The following EIF2B5 variants were observed in gnomAD, a reference collection of about 807,000 sequenced individuals.
EIF2B5 encodes eukaryotic translation initiation factor 2B subunit epsilon.
Under a neutral mutation model 87.3 loss-of-function variants are expected in EIF2B5, and 38 were observed. That is an observed-to-expected ratio of 0.44 (90% CI 0.34 to 0.57). The LOEUF (loss-of-function observed/expected upper bound fraction) is 0.57, where lower values mean the gene tolerates loss of function less well. EIF2B5 is among the 20% of genes least tolerant of loss of function. EIF2B5 has a pLI of 0.02. For missense variants in EIF2B5, 784 were observed against 909.5 expected (o/e 0.86, Z 1.78); for synonymous variants, 313 against 339.6 (o/e 0.92, Z 0.86).
intron 1 of EIF2B5, among the ~76,000 whole-genome samples, chr3:184,136,409 T>TA (rs1197408827): frequency 6.6e-6 from 1 of 152,222 alleles, no homozygotes; most frequent in African/African-American, 2.4e-5. Context: ...ATTCTGTACT[T>TA]ACCATCCCCA....
In EIF2B5 at chr3:184,137,682, A is replaced by G. The variant is rs865774540; in HGVS notation, c.383A>G (p.Tyr128Cys). 9 of 1,614,072 alleles carry G rather than the reference A, an allele frequency of 5.6e-6. No individual in the cohort carries two copies. In the African/African-American group the frequency reaches 8.0e-5, roughly 14 times the overall value. The change falls in exon 3 of 16, where the codon TAT becomes TGT. Residue 128 changes from tyrosine to cysteine, a missense_variant. Tyr to Cys is a radical substitution (Grantham distance 194). Around this residue, in one of 3 missense-constraint regions of EIF2B5, gnomAD observed 660 missense variants for 789.5 expected, o/e 0.84. Coordinates refer to ENST00000648915, the MANE Select transcript of EIF2B5 (RefSeq NM_003907.3). ...NVVRIITSEL[Y>C]RSLGDVLRDV... ...GTTCGAATAATTACATCAGAGCTCT[A>G]TCGATCACTGGGAGATGTCCTCCGT...
intron 2 of EIF2B5, 36 bp from the exon 3 acceptor site, chr3:184,137,584 T>A: frequency 6.2e-7 from 1 of 1,600,808 alleles, no homozygotes; most frequent in African/African-American, 1.3e-5. Flanking sequence ...TCTTTATGCT[T>A]GATACACTCA....
Position 184,143,504 on chromosome 3 carries a change from TC to T in EIF2B5, c.1813del (p.Leu605CysfsTer21), listed in dbSNP as rs113994083. 3.1e-6 allele frequency: 5 copies of T among 1,614,058 alleles called. No homozygotes were observed. Among genetic ancestry groups the T allele is most frequent in the Non-Finnish European group, 4.2e-6 (5 of 1,180,008 alleles). ...GTACTGAGCCACGTGGTCCTGGAGT[TC>T]CCCCTGCAACAGATGGATTCCCCGC... The part of the protein sequence containing the change: ...MQVLSHVVLE[F>X]PLQQMDSPLD... On this transcript the variant is annotated frameshift_variant, in exon 13 of 16. Transcript: ENST00000648915. LOFTEE classifies it high-confidence loss of function.
intron 14 of EIF2B5, 121 bp downstream of exon 14, chr3:184,144,345 T>C: frequency 6.0e-6 from 9 of 1,487,770 alleles, no homozygotes; most frequent in Middle Eastern, 2.4e-4. Flanking sequence ...ACTCCCAATA[T>C]GCTTATTGCT....
Position 184,136,632 on chromosome 3 carries a change from T to C in EIF2B5, c.216T>C (p.Asn72=), listed in dbSNP as rs886058214. ...TTCAGGTCCTCTTGCCCCTGGCCAA[T>C]GTGGCATTAATTGACTACACTCTGG... is the stretch of plus-strand genomic sequence containing the variant. The part of the protein sequence containing the change: ...DQPRVLLPLA[N]VALIDYTLEF... Residue 72 remains asparagine (N), a synonymous_variant, in exon 2 of 16, where the codon AAT becomes AAC. Coordinates refer to ENST00000648915, the MANE Select transcript of EIF2B5 (RefSeq NM_003907.3). 1.2e-6 allele frequency: 2 copies of C among 1,614,100 alleles called. No individual in the cohort carries two copies. The highest frequency in any genetic ancestry group is 1.7e-6 in the Non-Finnish European group (2 of 1,180,050).
chr3:184,143,200 T>C, intron 12 of EIF2B5, 58 bp downstream of exon 12: 4 of 1,578,424 alleles, frequency 2.5e-6, no homozygotes, highest in Non-Finnish European at 3.5e-6. Flanking sequence ...AGAGGCTTTC[T>C]CGTAAGTGTT....
chr3:184,144,660 CAA>C lies in EIF2B5; in HGVS notation c.2061_2062del (p.Asp689TyrfsTer3). The C allele has an allele frequency of 2.5e-6, 4 of 1,614,068 alleles. No homozygotes were observed. Among genetic ancestry groups the C allele is most frequent in the Non-Finnish European group, 3.4e-6 (4 of 1,180,006 alleles). On this transcript the variant is annotated frameshift_variant, in exon 15 of 16. Coordinates refer to ENST00000648915, the MANE Select transcript of EIF2B5 (RefSeq NM_003907.3). LOFTEE classifies it high-confidence loss of function. ...GGAAACAATTCTGAGCTGGTTCAGC[CAA>C]AGAGATACAACTGACAAGGGCCAGC... The part of the protein sequence containing the change: ...AEETILSWFS[Q>X]RDTTDKGQQL...
At chr3:184,137,045 C>A in intron 2 of EIF2B5, 1 of 392,854 alleles carries the variant, frequency 2.5e-6, no homozygotes, top group Non-Finnish European at 4.7e-6. Flanking sequence ...ATGATAACAT[C>A]TTTGTTTTCC....
rs1713819920 is a variant in EIF2B5 at position 184,145,291 on chromosome 3, A to C, written c.*348A>C. On this transcript the variant is annotated 3_prime_UTR_variant, in exon 16 of 16. Coordinates refer to ENST00000648915, the MANE Select transcript of EIF2B5 (RefSeq NM_003907.3). This position sits in a 1 kb window ranked among gnomAD's most constrained non-coding sequence, Gnocchi z 4.0. ...CTTTCTGCTGCTTGTATATGTTAAT[A>C]TTAAAAGAGAGAGTGGTGTATTTGG... The C allele has an allele frequency of 2.7e-6, 1 of 370,138 alleles. No individual in the cohort carries two copies. The highest frequency in any genetic ancestry group is 2.4e-5 in the African/African-American group (1 of 41,068). 22.9% of individuals were successfully genotyped at this position (370,138 alleles called of 1,614,324 possible).
chr3:184,142,967 A>C lies in EIF2B5; in HGVS notation c.1654+81A>C. 2 of 1,572,450 alleles carry C rather than the reference A, an allele frequency of 1.3e-6. No individual in the cohort carries two copies. The highest frequency in any genetic ancestry group is 2.7e-5 in the African/African-American group (2 of 74,472). On this transcript the variant is annotated intron_variant, in intron 11 of 15. Transcript: ENST00000648915. This position sits in a 1 kb window ranked among gnomAD's most constrained non-coding sequence, Gnocchi z 5.0. ...AGCCAGAGGCTTACGTTCCTCAGAAAGGGTTTGGTATCGAGTCAAGACTAG... is the reference window on the plus strand; with the variant it reads ...AGCCAGAGGCTTACGTTCCTCAGAACGGGTTTGGTATCGAGTCAAGACTAG...
chr3:184,142,679 C>T lies in EIF2B5; in HGVS notation c.1546+76C>T. ...AAGGATAATGAATACTTCAGAGTCACATTACTTATTCACTCCTTTATTCAG... is the reference window on the plus strand; with the variant it reads ...AAGGATAATGAATACTTCAGAGTCATATTACTTATTCACTCCTTTATTCAG... On this transcript the variant is annotated intron_variant, in intron 10 of 15. Coordinates refer to ENST00000648915, the MANE Select transcript of EIF2B5 (RefSeq NM_003907.3). The surrounding 1 kb of genome is among the most constrained non-coding windows in gnomAD (Gnocchi z 5.0). The T allele has an allele frequency of 1.3e-6, 2 of 1,551,886 alleles. No homozygotes were observed. The highest frequency in any genetic ancestry group is 1.2e-5 in the South Asian group (1 of 86,526).
intron 7 of EIF2B5, among the ~76,000 whole-genome samples, chr3:184,141,294 C>T (rs1713624356): frequency 1.3e-5 from 2 of 152,224 alleles, no homozygotes; most frequent in Middle Eastern, 3.4e-3. Flanking sequence ...AGGGGCTGAG[C>T]GTGGTGGCTC....
At chr3:184,143,394 T>G (rs1033117985) in intron 12 of EIF2B5, 48 bp from the exon 13 acceptor site, 1 of 1,613,890 alleles carries the variant, frequency 6.2e-7, no homozygotes. Flanking sequence ...GTTCTAAGCC[T>G]GCTGAAAGGC....
rs1245915924 is a variant in EIF2B5, at chr3:184,144,705, C to G, written c.2104C>G (p.Gln702Glu). 2.5e-6 allele frequency: 4 copies of G among 1,612,994 alleles called. No individual in the cohort carries two copies. In the East Asian group the frequency reaches 8.9e-5, roughly 36 times the overall value. ...DKGQQLRKNQ[Q>E]LQRFIQWLKE... ...GGGCCAGCAGTTGCGCAAGAATCAA[C>G]AGGTGCGTCAGGCTGTCCTCCTCTC... The change falls in exon 15 of 16, where the codon CAG becomes GAG. Residue 702 changes from glutamine to glutamate, a missense_variant and splice_region_variant. Physicochemically the swap from Gln to Glu is conservative, Grantham distance 29. This residue lies in a region of EIF2B5 where 660 missense variants were observed against 789.5 expected (regional missense o/e 0.84). Coordinates refer to ENST00000648915, the MANE Select transcript of EIF2B5 (RefSeq NM_003907.3).
intron 5 of EIF2B5, among the ~76,000 whole-genome samples, chr3:184,139,211 T>A (rs1223634812): frequency 6.7e-6 from 1 of 149,062 alleles, no homozygotes; most frequent in African/African-American, 2.5e-5. Context: ...CCTCAGGTGA[T>A]CCTCCCGCCT....
chr3:184,143,387 C>A, intron 12 of EIF2B5, 55 bp from the exon 13 acceptor site: 1 of 1,613,822 alleles, frequency 6.2e-7, no homozygotes, highest in South Asian at 1.1e-5. Context: ...AGTCATAGTT[C>A]TAAGCCTGCT....
At chr3:184,141,355 G>A (rs1399873550) in intron 7 of EIF2B5, among the ~76,000 whole-genome samples, 1 of 152,202 alleles carries the variant, frequency 6.6e-6, no homozygotes, top group Non-Finnish European at 1.5e-5. Flanking sequence ...GATCGCTTGA[G>A]CCCAGGAGTT....
chr3:184,135,784 G>A (rs2109005828), intron 1 of EIF2B5: 1 of 666,932 alleles, frequency 1.5e-6, no homozygotes, highest in East Asian at 2.7e-5. Context: ...TCGTAATGCT[G>A]TCCACCTCGG....
intron 5 of EIF2B5, chr3:184,138,870 C>T (rs896053484): frequency 3.4e-6 from 1 of 291,554 alleles, no homozygotes; most frequent in Non-Finnish European, 6.8e-6. Flanking sequence ...CCATGTTGTC[C>T]GGCCTGGTCA....
Sources: allele counts gnomAD v4.1 joint callset (sites outside exome capture counted in the v4.1 genomes callset), GRCh38; gene constraint gnomAD v4.1.1; regional missense constraint gnomAD v4.1.1; non-coding constraint Gnocchi (gnomAD v3.1); transcripts MANE v1.5; gene names NCBI Gene and HGNC (gene_info 2026-07-23, HGNC 2026-07-21).